CREBBP: variants seen among roughly 807,000 people sequenced by gnomAD.
The protein encoded by CREBBP is CREB binding lysine acetyltransferase.
A neutral mutation model predicts 265.0 loss-of-function variants in CREBBP; 19 were observed. The observed-to-expected ratio is 0.07, with a 90% CI of 0.05 to 0.11. The LOEUF is 0.11. Among genes scored for constraint, CREBBP ranks in the 10% least tolerant of loss-of-function variants. The probability of loss-of-function intolerance (pLI) is 1.00; values close to 1 mark genes in which losing one functional copy is unlikely to be tolerated. For synonymous variants in CREBBP, 1,457 were observed against 1,223.7 expected (o/e 1.19, Z -3.98); for missense variants, 2,525 against 3,219.0 (o/e 0.78, Z 5.22).
Position 3,861,345 on chromosome 16 carries a change from C to G in CREBBP, c.86-10336G>C, listed in dbSNP as rs528540744. ...AGGATCGTTGATGAAAGAATTAAAC[C>G]ATACAGCATTTAGCACTGAGCTTGG... On this transcript the variant is annotated intron_variant, in intron 1 of 30. Coordinates refer to ENST00000262367, the MANE Select transcript of CREBBP (RefSeq NM_004380.3). Among the ~76,000 whole-genome samples, 26 of 152,260 alleles carry G rather than the reference C, an allele frequency of 1.7e-4. 1 individual carries two copies. In the South Asian group the frequency reaches 5.4e-3, roughly 32 times the overall value.
At chr16:3,834,115 CGAAA>C (rs1327694164) in intron 2 of CREBBP, among the ~76,000 whole-genome samples, 1 of 152,136 alleles carries the variant, frequency 6.6e-6, no homozygotes, top group Non-Finnish European at 1.5e-5. Context: ...ACTGTCAACA[CGAAA>C]TGCTGGCGAG....
intron 21 of CREBBP, among the ~76,000 whole-genome samples, chr16:3,748,549 T>G (rs1057023852): frequency 1.1e-4 from 17 of 152,124 alleles, no homozygotes; most frequent in African/African-American, 3.9e-4. Flanking sequence ...TGGGTAGAAA[T>G]CTGTGCTTGC....
intron 1 of CREBBP, among the ~76,000 whole-genome samples, chr16:3,867,363 G>A (rs7184670): frequency 2.1e-3 from 317 of 152,104 alleles, no homozygotes; most frequent in African/African-American, 7.2e-3. Context: ...ATGGTGGTGC[G>A]TGCCTGTAGT....
rs1179933573 is a variant in CREBBP at position 3,877,392 on chromosome 16, AACAG to A, written c.85+2436_85+2439del. On this transcript the variant is annotated intron_variant, in intron 1 of 30. Transcript: ENST00000262367. ...CTCAATTTCTTAGTGGAGCAGTTAC[AACAG>A]ACAAAGTGTCCCTCGTTTCTTTTGG... 3.9e-5 allele frequency among the ~76,000 whole-genome samples: 6 copies of A among 152,310 alleles called. No homozygotes were observed. The South Asian group carries it at 6.2e-4, about 16-fold the overall frequency.
At chr16:3,754,574 T>C (rs2052546016) in intron 19 of CREBBP, among the ~76,000 whole-genome samples, 1 of 152,150 alleles carries the variant, frequency 6.6e-6, no homozygotes, top group South Asian at 2.1e-4. Context: ...TCTGTAAGGG[T>C]AATTTAATAT....
At chr16:3,772,584 A>G (rs1358991184) in intron 13 of CREBBP, among the ~76,000 whole-genome samples, 1 of 152,194 alleles carries the variant, frequency 6.6e-6, no homozygotes, top group Non-Finnish European at 1.5e-5. Context: ...CTTCTGCACT[A>G]CAAGAACAGA....
intron 28 of CREBBP, among the ~76,000 whole-genome samples, chr16:3,732,506 C>T (rs1209068950): frequency 6.6e-6 from 1 of 152,232 alleles, no homozygotes; most frequent in Non-Finnish European, 1.5e-5. Context: ...TCTCAGCCCA[C>T]AGGCTCCTCC....
In CREBBP at chr16:3,729,191, A is replaced by C; in HGVS notation, c.5856T>G (p.Pro1952=). Residue 1952 remains proline (P), a synonymous_variant, in exon 31 of 31, where the codon CCT becomes CCG. Coordinates refer to ENST00000262367, the MANE Select transcript of CREBBP (RefSeq NM_004380.3). ...VPAPPPPAQP[P]PAAVEAARQI... ...GCCGAGCCGCTTCCACCGCTGCAGG[A>C]GGGGGCTGGGCCGGGGGTGGGGGGG... The C allele has an allele frequency of 2.4e-6, 1 of 408,706 alleles. No homozygotes were observed. The highest frequency in any genetic ancestry group is 5.7e-5 in the African/African-American group (1 of 17,656). The allele number at this position is 408,706 out of a possible 1,614,324, so 25.3% of individuals were successfully genotyped here.
intron 2 of CREBBP, among the ~76,000 whole-genome samples, chr16:3,849,227 T>TCCTC (rs112430062): frequency 0.97 from 147,919 of 151,936 alleles, 72,103 homozygotes; most frequent in Middle Eastern, 1. Flanking sequence ...TTCTCTGTGC[T>TCCTC]CCTGTCAGTC....
chr16:3,854,873 T>C (rs1354853519), intron 1 of CREBBP, among the ~76,000 whole-genome samples: 1 of 152,224 alleles, frequency 6.6e-6, no homozygotes, highest in African/African-American at 2.4e-5. Flanking sequence ...AGATGTGATT[T>C]AGGAGTGTGT....
At chr16:3,832,350 A>C (rs1178022889) in intron 2 of CREBBP, among the ~76,000 whole-genome samples, 4 of 152,196 alleles carry the variant, frequency 2.6e-5, no homozygotes, top group African/African-American at 9.7e-5. Flanking sequence ...TATTGTTATC[A>C]AAAACAAATA....
intron 2 of CREBBP, among the ~76,000 whole-genome samples, chr16:3,823,654 T>C (rs2054182830): frequency 6.6e-6 from 1 of 152,168 alleles, no homozygotes; most frequent in South Asian, 2.1e-4. Flanking sequence ...GGTACAATGA[T>C]CCCTGCTGTT....
intron 10 of CREBBP, 83 bp from the exon 11 acceptor site, chr16:3,777,740 T>C (rs935220104): frequency 1.3e-6 from 2 of 1,524,452 alleles, no homozygotes; most frequent in Non-Finnish European, 9.1e-7. Flanking sequence ...AAATTTCTTA[T>C]TAGGACTTCA....
chr16:3,732,219 G>A (rs1486042044), intron 28 of CREBBP, among the ~76,000 whole-genome samples: 2 of 152,188 alleles, frequency 1.3e-5, no homozygotes, highest in Non-Finnish European at 2.9e-5. Context: ...AACAAATGAG[G>A]GCAGTGGGGG....
intron 2 of CREBBP, among the ~76,000 whole-genome samples, chr16:3,824,731 C>T (rs2054206086): frequency 6.6e-6 from 1 of 152,180 alleles, no homozygotes; most frequent in Non-Finnish European, 1.5e-5. Flanking sequence ...TTGGAGACTA[C>T]AACTGCCAAG....
At chr16:3,796,047 C>T (rs2053601299) in intron 3 of CREBBP, among the ~76,000 whole-genome samples, 2 of 152,106 alleles carry the variant, frequency 1.3e-5, no homozygotes, top group African/African-American at 4.8e-5. Flanking sequence ...TCTATTGTAT[C>T]TTCCCTTTTT....
At chr16:3,825,135 TAA>T (rs1469490545) in intron 2 of CREBBP, among the ~76,000 whole-genome samples, 1 of 152,184 alleles carries the variant, frequency 6.6e-6, no homozygotes, top group Non-Finnish European at 1.5e-5. Flanking sequence ...TACAATAATT[TAA>T]AGTCAATAAC....
intron 2 of CREBBP, among the ~76,000 whole-genome samples, chr16:3,849,461 G>T (rs1400552254): frequency 7.6e-6 from 1 of 132,016 alleles, no homozygotes; most frequent in Non-Finnish European, 1.6e-5. Context: ...GTGTGTGTGT[G>T]TGTGTGTGTG....
At chr16:3,787,669 GTTTT>G (rs1402833067) in intron 5 of CREBBP, among the ~76,000 whole-genome samples, 4 of 150,724 alleles carry the variant, frequency 2.7e-5, no homozygotes, top group African/African-American at 7.3e-5. Context: ...GTTTTGTTTT[GTTTT>G]GTTTGAGACG....
Sources: allele counts gnomAD v4.1 joint callset (sites outside exome capture counted in the v4.1 genomes callset), GRCh38; gene constraint gnomAD v4.1.1; transcripts MANE v1.5; gene names NCBI Gene and HGNC (gene_info 2026-07-23, HGNC 2026-07-21).